The following AJAP1 variants were observed in gnomAD, a reference collection of about 807,000 sequenced individuals.
AJAP1 encodes the protein adherens junctions associated protein 1, also known as adherens junction-associated protein 1.
A neutral mutation model predicts 35.0 loss-of-function variants in AJAP1; 5 were observed. That is an observed-to-expected ratio of 0.14 (90% CI 0.07 to 0.30). The LOEUF (loss-of-function observed/expected upper bound fraction) is 0.30. AJAP1 is among the 10% of genes least tolerant of loss of function. The pLI is 1.00. For synonymous variants in AJAP1, 284 were observed against 249.3 expected (o/e 1.14, Z -1.31); for missense variants, 586 against 571.0 (o/e 1.03, Z -0.27).
At chr1:4,688,391 G>C (rs1386660339) in intron 1 of AJAP1, among the ~76,000 whole-genome samples, 1 of 152,166 alleles carries the variant, frequency 6.6e-6, no homozygotes. Flanking sequence ...TTCAAACACG[G>C]TCTTATGTAG....
intron 1 of AJAP1, among the ~76,000 whole-genome samples, chr1:4,699,671 G>A (rs1271745921): frequency 6.6e-6 from 1 of 152,136 alleles, no homozygotes; most frequent in African/African-American, 2.4e-5. Flanking sequence ...AGCCTTTGGA[G>A]GGACACATCC....
At chr1:4,739,436 C>G (rs3753704) in intron 2 of AJAP1, among the ~76,000 whole-genome samples, 2,664 of 152,320 alleles carry the variant, frequency 0.017, 70 homozygotes, top group South Asian at 0.12. Context: ...CAGTCCACCC[C>G]CTACCCTCGT....
chr1:4,677,690 A>T (rs1235062578), intron 1 of AJAP1, among the ~76,000 whole-genome samples: 2 of 152,154 alleles, frequency 1.3e-5, no homozygotes, highest in African/African-American at 2.4e-5. Flanking sequence ...GCGGGTATTC[A>T]TATGGGGCAG....
intron 1 of AJAP1, among the ~76,000 whole-genome samples, chr1:4,695,689 C>A (rs936235384): frequency 2.0e-5 from 3 of 152,166 alleles, no homozygotes; most frequent in Non-Finnish European, 4.4e-5. Context: ...TGCTGCCTTT[C>A]CCCTGTATCT....
chr1:4,745,913 C>T (rs79515132), intron 2 of AJAP1, among the ~76,000 whole-genome samples: 29,954 of 152,132 alleles, frequency 0.2, 3,351 homozygotes, highest in Admixed American at 0.31. Context: ...GACCAGACTG[C>T]GGGTAAACTG....
rs576557962 is a variant in AJAP1, at chr1:4,673,577, C to G, written c.29+18123C>G. ...CTCTGCTCCAGCATGGGAGCCTCCA[C>G]TGACTCATTCCTTCCTGCACTTTGT... On this transcript the variant is annotated intron_variant, in intron 1 of 5. Transcript: ENST00000378191. Among the ~76,000 whole-genome samples the G allele has an allele frequency of 3.3e-5, 5 of 152,318 alleles. No individual in the cohort carries two copies. In the East Asian group the frequency reaches 9.7e-4, roughly 29 times the overall value.
intron 1 of AJAP1, among the ~76,000 whole-genome samples, chr1:4,700,276 T>C (rs982634945): frequency 6.6e-6 from 1 of 152,130 alleles, no homozygotes; most frequent in Admixed American, 6.5e-5. Flanking sequence ...CAAACCAGGT[T>C]TGAGGGAGGC....
intron 1 of AJAP1, among the ~76,000 whole-genome samples, chr1:4,663,254 C>A (rs12408195): frequency 1.8e-4 from 28 of 152,092 alleles, no homozygotes; most frequent in Admixed American, 3.9e-4. Flanking sequence ...GCTGGGATTC[C>A]AGGCATGAGT....
chr1:4,694,214 G>A (rs187144211), intron 1 of AJAP1, among the ~76,000 whole-genome samples: 191 of 152,238 alleles, frequency 1.3e-3, no homozygotes, highest in Non-Finnish European at 5.7e-4. Flanking sequence ...CAGCTCCTTT[G>A]CCGGGGGGGG....
Position 4,655,962 on chromosome 1 carries a change from G to C in AJAP1, c.29+508G>C, listed in dbSNP as rs1462019345. ...CCCCTTCTCCTTTCTCGGGGCCCCGGGGCTGAGCAGGGGCCTCCCAGGCTC... is the reference window on the plus strand; with the variant it reads ...CCCCTTCTCCTTTCTCGGGGCCCCGCGGCTGAGCAGGGGCCTCCCAGGCTC... On this transcript the variant is annotated intron_variant, in intron 1 of 5. Transcript: ENST00000378191. The surrounding 1 kb of genome is among the most constrained non-coding windows in gnomAD (Gnocchi z 6.9). Among the ~76,000 whole-genome samples the C allele has an allele frequency of 6.6e-6, 1 of 152,044 alleles. No homozygotes were observed. Among genetic ancestry groups the C allele is most frequent in the Non-Finnish European group, 1.5e-5 (1 of 67,974 alleles).
intron 2 of AJAP1, among the ~76,000 whole-genome samples, chr1:4,737,191 T>G (rs931861236): frequency 2.6e-5 from 4 of 151,938 alleles, no homozygotes; most frequent in African/African-American, 9.7e-5. Flanking sequence ...ACCCCTGGGA[T>G]GGGAAGGTTC....
At chr1:4,701,454 A>G (rs1008781238) in intron 1 of AJAP1, among the ~76,000 whole-genome samples, 1 of 152,180 alleles carries the variant, frequency 6.6e-6, no homozygotes, top group East Asian at 1.9e-4. Flanking sequence ...GGAGAGCTGC[A>G]TGGCCTGCAA....
intron 1 of AJAP1, among the ~76,000 whole-genome samples, chr1:4,676,657 G>A (rs929210289): frequency 6.6e-6 from 1 of 152,176 alleles, no homozygotes; most frequent in Non-Finnish European, 1.5e-5. Flanking sequence ...ATTGTCGGGT[G>A]CCCAGCTCAT....
At chr1:4,750,396 A>G (rs1641294927) in intron 2 of AJAP1, among the ~76,000 whole-genome samples, 1 of 152,210 alleles carries the variant, frequency 6.6e-6, no homozygotes, top group Non-Finnish European at 1.5e-5. Flanking sequence ...TTGGGAGGTG[A>G]CACAGAGCCC....
chr1:4,767,381 T>TCATCATCGTTACCAC (rs1641707110), intron 2 of AJAP1, among the ~76,000 whole-genome samples: 1 of 151,808 alleles, frequency 6.6e-6, no homozygotes, highest in South Asian at 2.1e-4. Context: ...ATCGTCACCA[T>TCATCATCGTTACCAC]CACCACCACC....
At chr1:4,733,391 C>T (rs1476019819) in intron 2 of AJAP1, among the ~76,000 whole-genome samples, 2 of 151,214 alleles carry the variant, frequency 1.3e-5, no homozygotes, top group Non-Finnish European at 2.9e-5. Flanking sequence ...AGCTGCCCAA[C>T]AGAATCTCAT....
At chr1:4,672,020 A>C (rs1276638556) in intron 1 of AJAP1, among the ~76,000 whole-genome samples, 1 of 152,220 alleles carries the variant, frequency 6.6e-6, no homozygotes, top group Non-Finnish European at 1.5e-5. Flanking sequence ...GGCGCCTATC[A>C]GCCTGGGCGC....
rs1168431530 is a variant in AJAP1 at position 4,720,912 on chromosome 1, C to G, written c.829+8213C>G. 1.3e-5 allele frequency among the ~76,000 whole-genome samples: 2 copies of G among 152,164 alleles called. No individual in the cohort carries two copies. Among genetic ancestry groups the G allele is most frequent in the Non-Finnish European group, 2.9e-5 (2 of 68,022 alleles). ...CAGACCTACCTCAGGAAGCCCTCAGCCTGGCTCCCTTAATGTGCCAGGTCA... is the reference window on the plus strand; with the variant it reads ...CAGACCTACCTCAGGAAGCCCTCAGGCTGGCTCCCTTAATGTGCCAGGTCA... On this transcript the variant is annotated intron_variant, in intron 2 of 5. Coordinates refer to ENST00000378191, the MANE Select transcript of AJAP1 (RefSeq NM_018836.4). The surrounding 1 kb of genome is among the most constrained non-coding windows in gnomAD (Gnocchi z 4.4).
At position 4,791,317 on chromosome 1, in the gene AJAP1, G is replaced by A. The variant is rs544830195; in HGVS notation, c.*8832G>A. The A allele has an allele frequency of 4.6e-5, 7 of 152,298 alleles. No homozygotes were observed. The South Asian group carries it at 1.4e-3, about 32-fold the overall frequency. 9.4% of individuals were successfully genotyped at this position (152,298 alleles called of 1,614,324 possible). A position where few individuals can be genotyped will look rare whatever the true frequency, so the allele number is the denominator to read the frequency against. On this transcript the variant is annotated 3_prime_UTR_variant, in exon 6 of 6. Coordinates refer to ENST00000378191, the MANE Select transcript of AJAP1 (RefSeq NM_018836.4). ...GCCATGCATTGATAACATTTTTAGA[G>A]TCTGTTACATTATTTTCTCAAAAGG...
Sources: gnomAD v4.1 joint callset for allele counts (sites outside exome capture counted in the v4.1 genomes callset) on GRCh38, gnomAD v4.1.1 for gene constraint, Gnocchi (gnomAD v3.1) non-coding constraint, MANE v1.5 for transcripts, NCBI Gene and HGNC (gene_info 2026-07-23, HGNC 2026-07-21) for gene names.